Variants in CYBRD1 observed in about 807,000 individuals in gnomAD.
The protein encoded by CYBRD1 is plasma membrane ascorbate-dependent reductase CYBRD1.
Under a neutral mutation model 21.9 loss-of-function variants are expected in CYBRD1, and 14 were observed. That is an observed-to-expected ratio of 0.64 (90% CI 0.42 to 1.00). The LOEUF is 1.00. CYBRD1 is among the 50% of genes least tolerant of loss of function. CYBRD1 has a pLI of 0.00. For synonymous variants in CYBRD1, 146 were observed against 136.5 expected (o/e 1.07, Z -0.48); for missense variants, 328 against 352.5 (o/e 0.93, Z 0.56).
intron 1 of CYBRD1, among the ~76,000 whole-genome samples, chr2:171,533,185 G>A (rs1002431254): frequency 1.3e-5 from 2 of 151,800 alleles, no homozygotes; most frequent in African/African-American, 4.8e-5. Context: ...TGGCCAACAT[G>A]GTGATACTCT....
At chr2:171,553,570 A>T in intron 3 of CYBRD1, 70 bp downstream of exon 3, 1 of 1,374,114 alleles carries the variant, frequency 7.3e-7, no homozygotes, top group South Asian at 1.9e-5. Flanking sequence ...CACTGGGAAA[A>T]TGTAATAAAA....
intron 2 of CYBRD1, among the ~76,000 whole-genome samples, chr2:171,551,656 C>A (rs1273336072): frequency 6.6e-6 from 1 of 152,166 alleles, no homozygotes; most frequent in African/African-American, 2.4e-5. Flanking sequence ...AGTCTTCCAA[C>A]TCATTATCCT....
At chr2:171,523,921 G>C (rs144919049) in intron 1 of CYBRD1, among the ~76,000 whole-genome samples, 315 of 152,344 alleles carry the variant, frequency 2.1e-3, no homozygotes, top group African/African-American at 7.2e-3. Context: ...CAAGGGTTTG[G>C]AAAGATATGC....
intron 2 of CYBRD1, among the ~76,000 whole-genome samples, chr2:171,544,516 A>G (rs1333620824): frequency 1.3e-5 from 2 of 152,222 alleles, no homozygotes; most frequent in African/African-American, 4.8e-5. Context: ...ACTCTAGTAC[A>G]CAGAAAAAAC....
In CYBRD1 at chr2:171,557,082, G is replaced by A. The variant is rs2105350546; in HGVS notation, c.*2255G>A. The A allele has an allele frequency of 6.6e-6, 1 of 152,594 alleles. No individual in the cohort carries two copies. Among genetic ancestry groups the A allele is most frequent in the East Asian group, 1.9e-4 (1 of 5,190 alleles). The allele number at this position is 152,594 out of a possible 1,614,324, so 9.5% of individuals were successfully genotyped here. ...TTATCTTTCATGTGGGCTAATGTGA[G>A]GATAATCTTACAGATATTATAGGAA... is the stretch of plus-strand genomic sequence containing the variant. On this transcript the variant is annotated 3_prime_UTR_variant, in exon 4 of 4. Transcript: ENST00000321348.
In CYBRD1 at chr2:171,522,977, C is replaced by T; in HGVS notation, c.193+239C>T. The T allele has an allele frequency of 1.9e-6, 1 of 525,206 alleles. No homozygotes were observed. The highest frequency in any genetic ancestry group is 2.4e-5 in the South Asian group (1 of 41,128). 32.5% of individuals were successfully genotyped at this position (525,206 alleles called of 1,614,324 possible). On this transcript the variant is annotated intron_variant, in intron 1 of 3. Transcript: ENST00000321348. The surrounding 1 kb of genome is among the most constrained non-coding windows in gnomAD (Gnocchi z 4.3). ...CCGCGAGCGCGGGGCCGGGGGTGCG[C>T]GGTGGAGACGCGCTGCTGGGGGCGG... is the stretch of plus-strand genomic sequence containing the variant.
chr2:171,524,146 TACTA>T (rs1697351480), intron 1 of CYBRD1, among the ~76,000 whole-genome samples: 1 of 152,158 alleles, frequency 6.6e-6, no homozygotes, highest in African/African-American at 2.4e-5. Flanking sequence ...TGGAAGGTGT[TACTA>T]ACCCTCAGCA....
intron 3 of CYBRD1, 129 bp from the exon 4 acceptor site, chr2:171,554,395 C>T: frequency 7.5e-6 from 6 of 800,940 alleles, no homozygotes; most frequent in South Asian, 2.0e-5. Context: ...TATATTTCTC[C>T]TTAATAGCAA....
rs541596310 is a variant in CYBRD1 at position 171,556,513 on chromosome 2, T to G, written c.*1686T>G. The G allele has an allele frequency of 6.6e-6, 1 of 152,324 alleles. No individual in the cohort carries two copies. Among genetic ancestry groups the G allele is most frequent in the Non-Finnish European group, 1.5e-5 (1 of 68,018 alleles). 9.4% of individuals were successfully genotyped at this position (152,324 alleles called of 1,614,324 possible). A position where few individuals can be genotyped will look rare whatever the true frequency, so the allele number is the denominator to read the frequency against. ...TTAAACTGAAGCATTTTAATATGGG[T>G]AGAAACTCTACACCAAATACACTAA... On this transcript the variant is annotated 3_prime_UTR_variant, in exon 4 of 4. Coordinates refer to ENST00000321348, the MANE Select transcript of CYBRD1 (RefSeq NM_024843.4).
chr2:171,531,016 G>A (rs181745143), intron 1 of CYBRD1, among the ~76,000 whole-genome samples: 22 of 151,910 alleles, frequency 1.4e-4, no homozygotes, highest in Non-Finnish European at 2.6e-4. Context: ...TTAGCCAGGC[G>A]TGCTGGTGTG....
chr2:171,526,065 G>A (rs1697382108), intron 1 of CYBRD1, among the ~76,000 whole-genome samples: 1 of 151,440 alleles, frequency 6.6e-6, no homozygotes, highest in Admixed American at 6.6e-5. Context: ...TCAGGAGTTC[G>A]AGACCAGCCT....
intron 1 of CYBRD1, among the ~76,000 whole-genome samples, chr2:171,533,147 A>T (rs190493819): frequency 7.2e-4 from 110 of 152,062 alleles, no homozygotes; most frequent in Admixed American, 2.2e-3. Flanking sequence ...TGGGCAGATC[A>T]CTTGAGGTCA....
intron 1 of CYBRD1, among the ~76,000 whole-genome samples, chr2:171,532,382 T>G (rs571094898): frequency 5.3e-5 from 8 of 152,246 alleles, no homozygotes; most frequent in Non-Finnish European, 1.2e-4. Flanking sequence ...TATTTTTGAA[T>G]TCACTTCAAG....
At chr2:171,550,263 G>A (rs905122158) in intron 2 of CYBRD1, among the ~76,000 whole-genome samples, 5 of 152,070 alleles carry the variant, frequency 3.3e-5, no homozygotes, top group African/African-American at 1.2e-4. Flanking sequence ...GTGCCACCAT[G>A]CCTGGCTAGT....
chr2:171,530,755 A>G (rs1697453458), intron 1 of CYBRD1, among the ~76,000 whole-genome samples: 1 of 152,210 alleles, frequency 6.6e-6, no homozygotes, highest in Admixed American at 6.5e-5. Flanking sequence ...ATCAAACAAA[A>G]CAACATCTTT....
chr2:171,553,472 G>C lies in CYBRD1; in HGVS notation c.529G>C (p.Gly177Arg). The change falls in exon 3 of 4, where the codon GGA (glycine) becomes CGA (arginine). Residue 177 changes from glycine to arginine, a missense_variant. Gly to Arg is a moderately radical substitution (Grantham distance 125). Transcript: ENST00000321348. The stretch of plus-strand genomic sequence containing the variant: ...AACAGTGATTGCAACAGCACTTATG[G>C]GATTGACAGAGAAACTGATTTTTTC... ...FGTVIATALMGLTEKLIFSLR... is the reference protein window; with the variant it reads ...FGTVIATALMRLTEKLIFSLR... The C allele has an allele frequency of 6.2e-7, 1 of 1,611,860 alleles. No homozygotes were observed. Among genetic ancestry groups the C allele is most frequent in the Non-Finnish European group, 8.5e-7 (1 of 1,178,670 alleles).
At chr2:171,544,320 A>G (rs1015809887) in intron 2 of CYBRD1, among the ~76,000 whole-genome samples, 1 of 152,174 alleles carries the variant, frequency 6.6e-6, no homozygotes, top group South Asian at 2.1e-4. Flanking sequence ...TGTTGTTAAC[A>G]TCTTTTGATA....
chr2:171,523,429 G>C, intron 1 of CYBRD1: 1 of 220,692 alleles, frequency 4.5e-6, no homozygotes, highest in South Asian at 5.1e-5. Context: ...GTGTTTCGCC[G>C]CCCTGCCCAG....
At chr2:171,544,357 C>A (rs995233120) in intron 2 of CYBRD1, among the ~76,000 whole-genome samples, 1 of 152,038 alleles carries the variant, frequency 6.6e-6, no homozygotes, top group Admixed American at 6.6e-5. Context: ...TTTAATGTAA[C>A]CAAATTAATC....
Sources: gnomAD v4.1 joint callset for allele counts (sites outside exome capture counted in the v4.1 genomes callset) on GRCh38, gnomAD v4.1.1 for gene constraint, Gnocchi (gnomAD v3.1) non-coding constraint, MANE v1.5 for transcripts, NCBI Gene and HGNC (gene_info 2026-07-23, HGNC 2026-07-21) for gene names.